Variants in SUCLG2 observed in about 807,000 individuals in gnomAD.
SUCLG2 encodes the protein succinate-CoA ligase GDP-forming subunit beta.
SUCLG2 carries 42 observed loss-of-function variants against 47.9 expected under a neutral mutation model. The observed-to-expected ratio is 0.88, with a 90% CI of 0.69 to 1.14. The LOEUF (loss-of-function observed/expected upper bound fraction) is 1.14. SUCLG2 is among the 50% of genes most tolerant of loss of function. The pLI, the probability that SUCLG2 is intolerant of heterozygous loss-of-function variation, is 0.00. For missense variants in SUCLG2, 571 were observed against 525.9 expected, an observed-to-expected ratio of 1.09 and a Z score of -0.84; for synonymous variants, 195 against 197.3, an observed-to-expected ratio of 0.99 and a Z score of 0.10.
At chr3:67,641,202 T>C (rs1383954329) in intron 1 of SUCLG2, among the ~76,000 whole-genome samples, 2 of 152,222 alleles carry the variant, frequency 1.3e-5, no homozygotes, top group Non-Finnish European at 2.9e-5. Context: ...AACTCGTCTG[T>C]CTTTAAGTTG....
intron 10 of SUCLG2, among the ~76,000 whole-genome samples, chr3:67,363,785 C>T (rs537569594): frequency 6.6e-4 from 100 of 150,748 alleles, no homozygotes; most frequent in African/African-American, 2.2e-3. Flanking sequence ...CACTTCCTCC[C>T]CCTCCCCCCA....
chr3:67,442,785 A>C (rs929313065), intron 9 of SUCLG2, among the ~76,000 whole-genome samples: 3 of 152,184 alleles, frequency 2.0e-5, no homozygotes, highest in African/African-American at 7.2e-5. Flanking sequence ...ATCTATACTA[A>C]TGCTAAACAT....
chr3:67,653,313 G>C lies in SUCLG2; in HGVS notation c.84+1190C>G, dbSNP rs564962264. Among the ~76,000 whole-genome samples the C allele has an allele frequency of 3.3e-5, 5 of 152,200 alleles. No homozygotes were observed. The South Asian group carries it at 1.0e-3, about 32-fold the overall frequency. On this transcript the variant is annotated intron_variant, in intron 1 of 10. Coordinates refer to ENST00000307227, the MANE Select transcript of SUCLG2 (RefSeq NM_003848.4). ...AACAGTTATTAGTGAGTTTTAATTA[G>C]ACAAAACTGCCATTCCTTTTGCTAC...
intron 10 of SUCLG2, among the ~76,000 whole-genome samples, chr3:67,362,243 C>T (rs2106738664): frequency 6.6e-6 from 1 of 152,242 alleles, no homozygotes; most frequent in South Asian, 2.1e-4. Context: ...TTTTCATGTA[C>T]CCCAGGACAG....
intron 1 of SUCLG2, among the ~76,000 whole-genome samples, chr3:67,629,772 G>C (rs1303178932): frequency 6.6e-6 from 1 of 152,034 alleles, no homozygotes. Context: ...AAAAACCCAG[G>C]TATGGCTGAA....
At chr3:67,437,205 G>A (rs1024846047) in intron 9 of SUCLG2, among the ~76,000 whole-genome samples, 7 of 152,108 alleles carry the variant, frequency 4.6e-5, no homozygotes, top group South Asian at 2.1e-4. Flanking sequence ...TTTTATAACC[G>A]AATTATTTCA....
At chr3:67,505,846 C>T (rs531839578) in intron 7 of SUCLG2, among the ~76,000 whole-genome samples, 43 of 152,124 alleles carry the variant, frequency 2.8e-4, no homozygotes, top group Middle Eastern at 6.8e-3. Flanking sequence ...CCTGTAATCC[C>T]AGATACTCGG....
chr3:67,590,341 T>C (rs897464716), intron 2 of SUCLG2, among the ~76,000 whole-genome samples: 3 of 152,228 alleles, frequency 2.0e-5, no homozygotes, highest in African/African-American at 7.2e-5. Flanking sequence ...TGAGAAACTT[T>C]TGAACTAGAC....
At chr3:67,641,477 G>A (rs183106153) in intron 1 of SUCLG2, among the ~76,000 whole-genome samples, 2 of 152,224 alleles carry the variant, frequency 1.3e-5, no homozygotes, top group East Asian at 1.9e-4. Context: ...TTCAAAAACC[G>A]CAATTACTTT....
intron 9 of SUCLG2, among the ~76,000 whole-genome samples, chr3:67,468,951 T>G (rs1704537629): frequency 6.6e-6 from 1 of 152,184 alleles, no homozygotes; most frequent in African/African-American, 2.4e-5. Context: ...TTCAATCAGG[T>G]GTAAGGAGTG....
At chr3:67,590,937 A>G (rs1708145274) in intron 2 of SUCLG2, among the ~76,000 whole-genome samples, 4 of 151,354 alleles carry the variant, frequency 2.6e-5, no homozygotes, top group South Asian at 2.1e-4. Flanking sequence ...AAAAATTTCT[A>G]AAGTAAAAAT....
At chr3:67,401,109 CAT>C (rs1702674989) in intron 9 of SUCLG2, among the ~76,000 whole-genome samples, 1 of 152,100 alleles carries the variant, frequency 6.6e-6, no homozygotes. Context: ...ATTTAATCAT[CAT>C]TCATTCGTCT....
At position 67,365,703 on chromosome 3, in the gene SUCLG2, C is replaced by T. The variant is rs181586043; in HGVS notation, c.1184-4935G>A. ...GACTAAGCACGTGATAAAAAATTTG[C>T]AATTTTAAGTTGAAATCTTACTGAG... On this transcript the variant is annotated intron_variant, in intron 10 of 10. Transcript: ENST00000493112. Among the ~76,000 whole-genome samples, 381 of 152,242 alleles carry T rather than the reference C, an allele frequency of 2.5e-3. 2 individuals are homozygous for T. Among genetic ancestry groups the T allele is most frequent in the African/African-American group, 8.8e-3 (366 of 41,548 alleles).
At chr3:67,407,955 A>C (rs534253779) in intron 9 of SUCLG2, among the ~76,000 whole-genome samples, 1 of 152,322 alleles carries the variant, frequency 6.6e-6, no homozygotes, top group East Asian at 1.9e-4. Flanking sequence ...CAGCTTGGAT[A>C]ATTGATGTTT....
At chr3:67,636,452 A>C (rs985832708) in intron 1 of SUCLG2, among the ~76,000 whole-genome samples, 4 of 149,780 alleles carry the variant, frequency 2.7e-5, no homozygotes, top group African/African-American at 4.9e-5. Context: ...TCCCGGGTTC[A>C]TTCCATTCTC....
intron 2 of SUCLG2, among the ~76,000 whole-genome samples, chr3:67,572,699 T>C (rs1419929099): frequency 2.0e-5 from 3 of 152,074 alleles, no homozygotes; most frequent in African/African-American, 7.2e-5. Flanking sequence ...GCCAGGAATA[T>C]GACAAATATC....
chr3:67,490,404 T>C (rs907863428), intron 9 of SUCLG2, among the ~76,000 whole-genome samples: 2 of 152,194 alleles, frequency 1.3e-5, no homozygotes, highest in African/African-American at 2.4e-5. Flanking sequence ...ACATATACCA[T>C]AGAGCACAAA....
intron 6 of SUCLG2, among the ~76,000 whole-genome samples, chr3:67,515,574 T>C (rs770611274): frequency 8.5e-5 from 13 of 152,184 alleles, no homozygotes; most frequent in Non-Finnish European, 1.5e-4. Flanking sequence ...TATTCAACCA[T>C]GAGTGAGGTA....
At chr3:67,430,648 T>C (rs1703452150) in intron 9 of SUCLG2, among the ~76,000 whole-genome samples, 2 of 152,112 alleles carry the variant, frequency 1.3e-5, no homozygotes, top group South Asian at 2.1e-4. Flanking sequence ...CTTCAAAAAA[T>C]CAATGAATCC....
Sources: allele counts gnomAD v4.1 joint callset (sites outside exome capture counted in the v4.1 genomes callset), GRCh38; gene constraint gnomAD v4.1.1; transcripts MANE v1.5; gene names NCBI Gene and HGNC (gene_info 2026-07-23, HGNC 2026-07-21).